The following NFIX variants were observed in gnomAD, a reference collection of about 807,000 sequenced individuals.
The protein encoded by NFIX is nuclear factor I X, also known as nuclear factor 1 X-type.
Under a neutral mutation model 53.3 loss-of-function variants are expected in NFIX, and 2 were observed. That is an observed-to-expected ratio of 0.04 (90% confidence interval 0.02 to 0.12). The LOEUF (loss-of-function observed/expected upper bound fraction) is 0.12. Among genes scored for constraint, NFIX ranks in the 10% least tolerant of loss-of-function variants. NFIX has a pLI of 1.00. For missense variants in NFIX, 310 were observed against 674.5 expected, an observed-to-expected ratio of 0.46 and a Z score of 5.99; for synonymous variants, 244 against 289.0, an observed-to-expected ratio of 0.84 and a Z score of 1.58.
intron 8 of NFIX, among the ~76,000 whole-genome samples, chr19:13,086,621 C>A (rs1230768401): frequency 1.3e-5 from 2 of 152,214 alleles, no homozygotes; most frequent in Non-Finnish European, 2.9e-5. Flanking sequence ...CCCCTCCAGC[C>A]TCTTTGTTGT....
intron 1 of NFIX, among the ~76,000 whole-genome samples, chr19:13,020,069 C>G (rs1490324521): frequency 6.6e-6 from 1 of 152,076 alleles, no homozygotes; most frequent in East Asian, 1.9e-4. Flanking sequence ...GCCAGTGACT[C>G]AGACCTGGAG....
chr19:13,060,628 G>C lies in NFIX; in HGVS notation c.560-12419G>C, dbSNP rs569781194. ...TGACCCTTGGTGCCTGGCAAGGCGG[G>C]GGGGTAGGGAGCAGCCCTCGCACAG... On this transcript the variant is annotated intron_variant, in intron 2 of 10. Transcript: ENST00000592199. The surrounding 1 kb of genome is among the most constrained non-coding windows in gnomAD (Gnocchi z 4.3). Among the ~76,000 whole-genome samples the C allele has an allele frequency of 4.1e-4, 62 of 152,346 alleles. No individual in the cohort carries two copies. The highest frequency in any genetic ancestry group is 1.5e-3 in the African/African-American group (61 of 41,580).
At chr19:13,020,308 T>C (rs764027673) in intron 1 of NFIX, among the ~76,000 whole-genome samples, 4 of 152,192 alleles carry the variant, frequency 2.6e-5, no homozygotes, top group Non-Finnish European at 4.4e-5. Context: ...ACCAGTGGCA[T>C]GCAGGAGGAG....
rs2012315071 is a variant in NFIX at position 13,011,110 on chromosome 19, G to A, written c.28-13911G>A. 6.6e-6 allele frequency among the ~76,000 whole-genome samples: 1 copy of A among 152,188 alleles called. No individual in the cohort carries two copies. Among genetic ancestry groups the A allele is most frequent in the Admixed American group, 6.5e-5 (1 of 15,284 alleles). ...CCTGCAAAAACCATTTCGCCAGGCA[G>A]GGATGTAGGGGGAGGCGGGAGCAGC... On this transcript the variant is annotated intron_variant, in intron 1 of 10. Coordinates refer to ENST00000592199, the MANE Select transcript of NFIX (RefSeq NM_001365902.3). The surrounding 1 kb of genome is among the most constrained non-coding windows in gnomAD (Gnocchi z 6.5).
intron 8 of NFIX, among the ~76,000 whole-genome samples, chr19:13,087,603 G>A (rs748916066): frequency 9.2e-5 from 14 of 151,994 alleles, no homozygotes; most frequent in Non-Finnish European, 7.4e-5. Context: ...CAGGGTGAGC[G>A]CGCTCATCTT....
intron 1 of NFIX, among the ~76,000 whole-genome samples, chr19:13,023,531 T>G (rs1376302453): frequency 6.6e-6 from 1 of 151,920 alleles, no homozygotes; most frequent in African/African-American, 2.4e-5. Context: ...CTGGGTTTTG[T>G]TTTTGTTTTT....
rs35992708 is a variant in NFIX, at chr19:13,096,066, G to GC, written c.*1423dup. On this transcript the variant is annotated 3_prime_UTR_variant, in exon 11 of 11. Transcript: ENST00000592199. ...GGGCCTGTCCAGAGGGTCTTCAGAA[G>GC]CCCCCCTGGGAGGGAGGGGAGGATG... 1,967 of 152,540 alleles carry GC rather than the reference G, an allele frequency of 0.013. 28 individuals are homozygous for GC. Among genetic ancestry groups the GC allele is most frequent in the Admixed American group, 0.038 (588 of 15,302 alleles). 9.4% of individuals were successfully genotyped at this position (152,540 alleles called of 1,614,324 possible). A position where few individuals can be genotyped will look rare whatever the true frequency, so the allele number is the denominator to read the frequency against.
chr19:13,052,353 G>A lies in NFIX; in HGVS notation c.560-20694G>A, dbSNP rs60763576. Among the ~76,000 whole-genome samples, 1,898 of 152,288 alleles carry A rather than the reference G, an allele frequency of 0.012. 43 individuals carry two copies. The highest frequency in any genetic ancestry group is 0.044 in the African/African-American group (1,816 of 41,546). ...AGGCACACTGCTGGCCATCTAGGCTGGGGGTAGAGCCCAGATGGGAGCCCA... is the reference window on the plus strand; with the variant it reads ...AGGCACACTGCTGGCCATCTAGGCTAGGGGTAGAGCCCAGATGGGAGCCCA... On this transcript the variant is annotated intron_variant, in intron 2 of 10. Transcript: ENST00000592199. This position sits in a 1 kb window ranked among gnomAD's most constrained non-coding sequence, Gnocchi z 5.2.
At chr19:13,010,699 G>A (rs1439536427) in intron 1 of NFIX, among the ~76,000 whole-genome samples, 1 of 152,222 alleles carries the variant, frequency 6.6e-6, no homozygotes, top group Admixed American at 6.5e-5. Flanking sequence ...GCCCGCTCTG[G>A]TGCCCACACA....
chr19:13,023,940 T>TCCCCCCC, intron 1 of NFIX: 5 of 212,736 alleles, frequency 2.4e-5, no homozygotes, highest in Non-Finnish European at 3.5e-5. Flanking sequence ...CTCCTCCTCC[T>TCCCCCCC]CCCCCCTCCC....
Position 13,043,032 on chromosome 19 carries a change from G to A in NFIX, c.559+17480G>A, listed in dbSNP as rs1000725816. Among the ~76,000 whole-genome samples, 1 of 152,078 alleles carries A rather than the reference G, an allele frequency of 6.6e-6. No individual in the cohort carries two copies. Among genetic ancestry groups the A allele is most frequent in the African/African-American group, 2.4e-5 (1 of 41,382 alleles). On this transcript the variant is annotated intron_variant, in intron 2 of 10. Coordinates refer to ENST00000592199, the MANE Select transcript of NFIX (RefSeq NM_001365902.3). The surrounding 1 kb of genome is among the most constrained non-coding windows in gnomAD (Gnocchi z 4.0). ...AGATGTTGCCATCATTGTACATATC[G>A]TGTACATTGCACATACATGTCATGT...
rs1394783064 is a variant in NFIX, at chr19:13,006,180, C to T, written c.27+10316C>T. The stretch of plus-strand genomic sequence containing the variant: ...GGAAGAACAGAGCTGGCCGGGCCCT[C>T]GGGAGTGCTGGGCAGCTGTGGTTTT... On this transcript the variant is annotated intron_variant, in intron 1 of 10. Transcript: ENST00000592199. This position sits in a 1 kb window ranked among gnomAD's most constrained non-coding sequence, Gnocchi z 5.6. Among the ~76,000 whole-genome samples, 3 of 152,132 alleles carry T rather than the reference C, an allele frequency of 2.0e-5. No individual in the cohort carries two copies. Among genetic ancestry groups the T allele is most frequent in the Non-Finnish European group, 2.9e-5 (2 of 68,018 alleles).
At chr19:13,086,322 G>T (rs539902863) in intron 8 of NFIX, among the ~76,000 whole-genome samples, 1 of 152,194 alleles carries the variant, frequency 6.6e-6, no homozygotes, top group Non-Finnish European at 1.5e-5. Flanking sequence ...ATGTGGATTT[G>T]GGGGAGAGGA....
In NFIX at chr19:13,073,871, A is replaced by T. The variant is rs772018408; in HGVS notation, c.698-35A>T. On this transcript the variant is annotated intron_variant, in intron 4 of 10. Coordinates refer to ENST00000592199, the MANE Select transcript of NFIX (RefSeq NM_001365902.3). The surrounding 1 kb of genome is among the most constrained non-coding windows in gnomAD (Gnocchi z 4.5). ...AACAGACCCCATCAGGCCTCCCCCC[A>T]CCTCCAAACCTCATCACCCTCTCGT... The T allele has an allele frequency of 5.0e-6, 8 of 1,613,256 alleles. No homozygotes were observed. The South Asian group carries it at 7.7e-5, about 16-fold the overall frequency.
chr19:13,075,496 C>G (rs776836367), intron 5 of NFIX, 39 bp from the exon 6 acceptor site: 23 of 1,608,114 alleles, frequency 1.4e-5, no homozygotes, highest in African/African-American at 4.0e-5. Flanking sequence ...GGAGCCTCAG[C>G]CCATCCTTGG....
chr19:13,073,092 T>G lies in NFIX; in HGVS notation c.605T>G (p.Ile202Ser). 1 of 1,614,000 alleles carries G rather than the reference T, an allele frequency of 6.2e-7. No individual in the cohort carries two copies. The highest frequency in any genetic ancestry group is 1.6e-4 in the Middle Eastern group (1 of 6,062). ...DSSNQQGDAD[I>S]KPLPNGHLSF... ...TCAAACCAGCAAGGAGATGCGGACA[T>G]CAAACCACTGCCCAACGGTCAGTGC... The change falls in exon 3 of 11, where the codon ATC (isoleucine) becomes AGC (serine). Residue 202 changes from isoleucine (I) to serine (S), a missense_variant. By Grantham distance (142) the Ile-to-Ser change is moderately radical. Around this residue, in one of 5 missense-constraint regions of NFIX, gnomAD observed 164 missense variants for 284.4 expected, o/e 0.58. Coordinates refer to ENST00000592199, the MANE Select transcript of NFIX (RefSeq NM_001365902.3). This position sits in a 1 kb window ranked among gnomAD's most constrained non-coding sequence, Gnocchi z 4.5.
At chr19:13,030,439 G>C (rs1359117000) in intron 2 of NFIX, among the ~76,000 whole-genome samples, 1 of 152,202 alleles carries the variant, frequency 6.6e-6, no homozygotes, top group African/African-American at 2.4e-5. Flanking sequence ...CTGACTCTCT[G>C]TCACCTTTAC....
intron 2 of NFIX, among the ~76,000 whole-genome samples, chr19:13,032,473 G>A (rs2145224046): frequency 6.6e-6 from 1 of 152,304 alleles, no homozygotes; most frequent in Admixed American, 6.5e-5. Flanking sequence ...ATCGTTCGAG[G>A]ACTCCTCACA....
At chr19:12,997,341 C>T (rs561644900) in intron 1 of NFIX, among the ~76,000 whole-genome samples, 62 of 152,360 alleles carry the variant, frequency 4.1e-4, no homozygotes, top group Non-Finnish European at 7.8e-4. Flanking sequence ...GGCAGGCCTG[C>T]GTGGCATGGC....
Sources: allele counts gnomAD v4.1 joint callset (sites outside exome capture counted in the v4.1 genomes callset), GRCh38; gene constraint gnomAD v4.1.1; regional missense constraint gnomAD v4.1.1; non-coding constraint Gnocchi (gnomAD v3.1); transcripts MANE v1.5; gene names NCBI Gene and HGNC (gene_info 2026-07-23, HGNC 2026-07-21).